EVI5: variants seen among roughly 807,000 people sequenced by gnomAD.
EVI5 encodes ecotropic viral integration site 5, also known as ecotropic viral integration site 5 protein homolog.
A neutral mutation model predicts 112.0 loss-of-function variants in EVI5; 73 were observed. The ratio of observed to expected loss-of-function variants is 0.65; its 90% CI spans 0.54 to 0.79. EVI5 has a LOEUF of 0.79. Ranked by LOEUF, EVI5 falls within the 30% of genes least tolerant of loss-of-function variation. The pLI is 0.00. For missense variants in EVI5, 900 were observed against 968.8 expected, an observed-to-expected ratio of 0.93 and a Z score of 0.94; for synonymous variants, 305 against 319.9, an observed-to-expected ratio of 0.95 and a Z score of 0.50.
chr1:92,686,052 G>T (rs1668474764), intron 9 of EVI5, among the ~76,000 whole-genome samples: 2 of 152,132 alleles, frequency 1.3e-5, no homozygotes, highest in Non-Finnish European at 2.9e-5. Flanking sequence ...ATTTTATGAG[G>T]CTAGCATCAT....
rs1659260005 is a variant in EVI5, at chr1:92,512,687, A to G, written c.*969T>C. The G allele has an allele frequency of 6.6e-6, 1 of 152,234 alleles. No homozygotes were observed. Among genetic ancestry groups the G allele is most frequent in the Non-Finnish European group, 1.5e-5 (1 of 68,040 alleles). The allele number at this position is 152,234 out of a possible 1,614,324, so 9.4% of individuals were successfully genotyped here. A position where few individuals can be genotyped will look rare whatever the true frequency, so the allele number is the denominator to read the frequency against. On this transcript the variant is annotated 3_prime_UTR_variant, in exon 20 of 20. Coordinates refer to ENST00000684568, the MANE Select transcript of EVI5 (RefSeq NM_001350197.2). ...CACATGGAAGCATCATATGCACATA[A>G]AAGTTAAACATTAAAACAAAACTTA...
intron 1 of EVI5, among the ~76,000 whole-genome samples, chr1:92,770,728 T>G (rs1245009024): frequency 2.0e-5 from 3 of 151,378 alleles, no homozygotes; most frequent in Non-Finnish European, 4.4e-5. Context: ...AGGTGGAGGT[T>G]GCAGTGAGCC....
intron 2 of EVI5, among the ~76,000 whole-genome samples, chr1:92,735,649 T>TGTC (rs529319677): frequency 4.2e-3 from 10 of 2,356 alleles, no homozygotes; most frequent in African/African-American, 0.011. Flanking sequence ...CATATATATA[T>TGTC]ATAATTATAT....
intron 16 of EVI5, among the ~76,000 whole-genome samples, chr1:92,610,609 T>A (rs1403478596): frequency 6.6e-6 from 1 of 152,072 alleles, no homozygotes; most frequent in Non-Finnish European, 1.5e-5. Context: ...CAAAAAAAAT[T>A]AAGCAAATCA....
chr1:92,783,671 G>C (rs1423604119), intron 1 of EVI5, among the ~76,000 whole-genome samples: 1 of 151,418 alleles, frequency 6.6e-6, no homozygotes, highest in Non-Finnish European at 1.5e-5. Flanking sequence ...AATTAGCTGG[G>C]AGTGGTGGCG....
chr1:92,572,312 G>T (rs1293466688), intron 18 of EVI5, among the ~76,000 whole-genome samples: 1 of 152,044 alleles, frequency 6.6e-6, no homozygotes, highest in African/African-American at 2.4e-5. Context: ...AACAGAAAAA[G>T]AAAATATACC....
chr1:92,530,174 C>T (rs1041460310), intron 19 of EVI5, among the ~76,000 whole-genome samples: 7 of 152,088 alleles, frequency 4.6e-5, no homozygotes, highest in Non-Finnish European at 1.0e-4. Flanking sequence ...ACTGAACAGA[C>T]GGTAGGATTC....
rs1053821830 is a variant in EVI5 at position 92,713,515 on chromosome 1, C to T, written c.150-8771G>A. On this transcript the variant is annotated intron_variant, in intron 2 of 19. Coordinates refer to ENST00000684568, the MANE Select transcript of EVI5 (RefSeq NM_001350197.2). ...TTCTGGCCAGGCGCAGTGGCTCACACCTATAATCCCAGCACTTTGGGAGGC... is the reference window on the plus strand; with the variant it reads ...TTCTGGCCAGGCGCAGTGGCTCACATCTATAATCCCAGCACTTTGGGAGGC... Among the ~76,000 whole-genome samples, 9 of 152,212 alleles carry T rather than the reference C, an allele frequency of 5.9e-5. 1 individual carries two copies. The highest frequency in any genetic ancestry group is 3.9e-4 in the Admixed American group (6 of 15,288).
chr1:92,728,372 TG>T (rs1330343910), intron 2 of EVI5, among the ~76,000 whole-genome samples: 3 of 132,308 alleles, frequency 2.3e-5, no homozygotes, highest in Non-Finnish European at 4.7e-5. Flanking sequence ...TCACTTGCCA[TG>T]GTTTCTTTTT....
chr1:92,590,587 C>A (rs1673653677), intron 18 of EVI5, among the ~76,000 whole-genome samples: 1 of 151,850 alleles, frequency 6.6e-6, no homozygotes, highest in African/African-American at 2.4e-5. Flanking sequence ...AAGAAATGAA[C>A]AGTCTCCAAG....
At chr1:92,587,504 AAT>A (rs1673013327) in intron 18 of EVI5, among the ~76,000 whole-genome samples, 1 of 152,120 alleles carries the variant, frequency 6.6e-6, no homozygotes, top group South Asian at 2.1e-4. Context: ...AATTTCACAT[AAT>A]TAAAAAATAT....
intron 18 of EVI5, among the ~76,000 whole-genome samples, chr1:92,591,137 T>C (rs1001841836): frequency 6.6e-6 from 1 of 152,182 alleles, no homozygotes; most frequent in African/African-American, 2.4e-5. Context: ...AAGGAACAAC[T>C]GATACCAGCC....
At chr1:92,651,846 G>A (rs1247625629) in intron 13 of EVI5, among the ~76,000 whole-genome samples, 2 of 75,162 alleles carry the variant, frequency 2.7e-5, no homozygotes, top group Admixed American at 1.6e-4. Context: ...GCGAGACTCC[G>A]TCTCAAAAAA....
chr1:92,551,427 T>G (rs573806831), intron 19 of EVI5, among the ~76,000 whole-genome samples: 1 of 151,980 alleles, frequency 6.6e-6, no homozygotes, highest in Admixed American at 6.6e-5. Context: ...AGATGAAGAG[T>G]AGGAATAATC....
At chr1:92,578,310 A>C (rs1242431847) in intron 18 of EVI5, among the ~76,000 whole-genome samples, 2 of 152,212 alleles carry the variant, frequency 1.3e-5, no homozygotes, top group Non-Finnish European at 2.9e-5. Flanking sequence ...AGTGTGGAGA[A>C]ATTCTGGAAT....
At chr1:92,596,055 T>C (rs941148554) in intron 18 of EVI5, among the ~76,000 whole-genome samples, 2 of 152,192 alleles carry the variant, frequency 1.3e-5, no homozygotes, top group Non-Finnish European at 2.9e-5. Context: ...AACTATAAAA[T>C]GAAGATATTA....
intron 19 of EVI5, among the ~76,000 whole-genome samples, chr1:92,543,248 C>G (rs1665125084): frequency 6.6e-6 from 1 of 152,224 alleles, no homozygotes; most frequent in Admixed American, 6.5e-5. Flanking sequence ...GCTGCAGTTT[C>G]TACATCAGCA....
intron 19 of EVI5, among the ~76,000 whole-genome samples, chr1:92,527,492 GA>G (rs1367789349): frequency 2.0e-5 from 3 of 151,446 alleles, no homozygotes; most frequent in African/African-American, 4.8e-5. Flanking sequence ...ATTTTTAAGT[GA>G]AATATAACAC....
At chr1:92,597,569 T>G (rs751923729) in intron 18 of EVI5, among the ~76,000 whole-genome samples, 1 of 152,144 alleles carries the variant, frequency 6.6e-6, no homozygotes, top group Admixed American at 6.6e-5. Context: ...GACCTAATAA[T>G]AAAAGAACAT....
Sources: allele counts gnomAD v4.1 joint callset (sites outside exome capture counted in the v4.1 genomes callset), GRCh38; gene constraint gnomAD v4.1.1; transcripts MANE v1.5; gene names NCBI Gene and HGNC (gene_info 2026-07-23, HGNC 2026-07-21).